SPATA31G1: variants seen among roughly 807,000 people sequenced by gnomAD.
SPATA31G1 encodes spermatogenesis-associated protein 31G1.
At chr9:35,043,101 A>G in the SPATA31G1 span, 22 of 1,614,086 alleles carry the variant, frequency 1.4e-5, no homozygotes, top group East Asian at 2.2e-5. Context: ...GCAAACAGTC[A>G]TGCAGCCCGT....
the SPATA31G1 span, chr9:35,045,547 A>G: frequency 6.2e-7 from 1 of 1,614,150 alleles, no homozygotes; most frequent in Non-Finnish European, 8.5e-7. Flanking sequence ...GGGAAGAACC[A>G]CCCTGCCCAG....
the SPATA31G1 span, chr9:35,042,257 G>C: frequency 6.2e-7 from 1 of 1,613,902 alleles, no homozygotes; most frequent in Non-Finnish European, 8.5e-7. Flanking sequence ...TAAGGGAAAT[G>C]GAATGGCTGC....
chr9:35,042,545 T>C, the SPATA31G1 span: 421 of 1,610,164 alleles, frequency 2.6e-4, 2 homozygotes, highest in African/African-American at 3.3e-4. Flanking sequence ...TGTGAGGTCA[T>C]TGGTATGAAT....
At chr9:35,043,868 G>A in the SPATA31G1 span, 1 of 1,614,166 alleles carries the variant, frequency 6.2e-7, no homozygotes, top group Non-Finnish European at 8.5e-7. Context: ...ATAAGCCCCA[G>A]TGGGAATGCA....
chr9:35,043,101 A>T, the SPATA31G1 span: 3 of 1,614,204 alleles, frequency 1.9e-6, no homozygotes, highest in South Asian at 2.2e-5. Flanking sequence ...GCAAACAGTC[A>T]TGCAGCCCGT....
chr9:35,042,781 G>A, the SPATA31G1 span: 1 of 1,528,598 alleles, frequency 6.5e-7, no homozygotes, highest in Non-Finnish European at 8.8e-7. Flanking sequence ...TCTGGATATG[G>A]AGCAGACTGA....
At chr9:35,043,274 T>A in the SPATA31G1 span, 1 of 1,614,210 alleles carries the variant, frequency 6.2e-7, no homozygotes, top group South Asian at 1.1e-5. Context: ...TGAGCTCAGG[T>A]GGCCCCTCTC....
At chr9:35,045,566 C>A in the SPATA31G1 span, 11 of 1,614,150 alleles carry the variant, frequency 6.8e-6, no homozygotes, top group Non-Finnish European at 9.3e-6. Context: ...AGGCCAGAAG[C>A]CTAGTAGAGG....
the SPATA31G1 span, chr9:35,045,491 AG>A: frequency 1.2e-6 from 2 of 1,614,080 alleles, no homozygotes; most frequent in Non-Finnish European, 1.7e-6. Context: ...CCAAAGCAGG[AG>A]ACCATAGAAG....
At chr9:35,043,294 G>C in the SPATA31G1 span, 1 of 1,613,940 alleles carries the variant, frequency 6.2e-7, no homozygotes, top group South Asian at 1.1e-5. Flanking sequence ...CCTCTGAAGT[G>C]GTCTGTTTGT....
the SPATA31G1 span, chr9:35,043,588 A>G: frequency 1.9e-6 from 3 of 1,614,152 alleles, no homozygotes; most frequent in Non-Finnish European, 1.7e-6. Context: ...CTCCCTGGAT[A>G]TGAGACTCAT....
chr9:35,042,658 G>C, the SPATA31G1 span: 14 of 1,188,974 alleles, frequency 1.2e-5, no homozygotes, highest in Non-Finnish European at 1.7e-5. Context: ...TCTAGATGTA[G>C]AATGAGGGAA....
At chr9:35,041,212 G>A in the SPATA31G1 span, 1 of 371,522 alleles carries the variant, frequency 2.7e-6, no homozygotes, top group Non-Finnish European at 5.4e-6. Context: ...TGCTTGCTTG[G>A]ACCAATATAA....
the SPATA31G1 span, chr9:35,044,449 T>C: frequency 2.6e-5 from 42 of 1,614,012 alleles, 1 homozygote; most frequent in South Asian, 2.9e-4. Flanking sequence ...GCTTGTAACT[T>C]ACCCCAAGAC....
the SPATA31G1 span, chr9:35,044,028 G>T: frequency 9.3e-6 from 15 of 1,613,508 alleles, 1 homozygote; most frequent in South Asian, 1.6e-4. Context: ...GGTCCCTGCA[G>T]ACCCAGTTTC....
At chr9:35,045,529 C>G in the SPATA31G1 span, 40 of 1,614,042 alleles carry the variant, frequency 2.5e-5, no homozygotes. Flanking sequence ...GGGTTATCCA[C>G]AGTCACAGGG....
At chr9:35,042,091 CCA>C in the SPATA31G1 span, 38 of 1,073,646 alleles carry the variant, frequency 3.5e-5, no homozygotes, top group South Asian at 5.9e-4. Flanking sequence ...AGGGGATCAC[CCA>C]CATTTCACTG....
the SPATA31G1 span, chr9:35,043,946 A>G: frequency 2.5e-6 from 4 of 1,613,716 alleles, no homozygotes; most frequent in Non-Finnish European, 3.4e-6. Flanking sequence ...AGCTCTCTGG[A>G]ACCAGCCCTG....
the SPATA31G1 span, chr9:35,044,209 C>T: frequency 6.2e-7 from 1 of 1,614,128 alleles, no homozygotes; most frequent in East Asian, 2.2e-5. Flanking sequence ...CTTATGGAAC[C>T]ACACAGAATC....
Sources: gnomAD v4.1 joint callset for allele counts on GRCh38, gnomAD v4.1.1 for gene constraint, MANE v1.5 for transcripts, NCBI Gene and HGNC (gene_info 2026-07-23, HGNC 2026-07-21) for gene names.